Variants in ZNF772 observed in about 807,000 individuals in gnomAD.
ZNF772 encodes zinc finger protein 772.
ZNF772 carries 8 observed loss-of-function variants against 11.0 expected under a neutral mutation model. The observed-to-expected ratio is 0.73, with a 90% CI of 0.43 to 1.31. The LOEUF (loss-of-function observed/expected upper bound fraction) is 1.31. Among genes scored for constraint, ZNF772 ranks in the 50% most tolerant of loss-of-function variants. The pLI is 0.01. For synonymous variants in ZNF772, 155 were observed against 180.4 expected (o/e 0.86, Z 1.13); for missense variants, 496 against 552.3 (o/e 0.90, Z 1.02).
Position 57,474,471 on chromosome 19 carries a change from G to C in ZNF772, c.200-50C>G, listed in dbSNP as rs1440537609. The C allele has an allele frequency of 2.6e-6, 4 of 1,552,214 alleles. No individual in the cohort carries two copies. The East Asian group carries it at 9.0e-5, about 35-fold the overall frequency. On this transcript the variant is annotated intron_variant, in intron 3 of 3. Transcript: ENST00000356584. ...AGTACAAATTGACACAGGTGGAAGA[G>C]GGGAAGCCTCACTACAAATATGTGT... is the stretch of plus-strand genomic sequence containing the variant.
chr19:57,477,366 C>G lies in ZNF772; in HGVS notation c.-57G>C. Reference sequence around the variant, plus strand: ...AGTGCAGGAACCTGGGATCAGCTGTCCAGGGCCCAGCCCAGCGGCTAGGTC... The same window carrying G: ...AGTGCAGGAACCTGGGATCAGCTGTGCAGGGCCCAGCCCAGCGGCTAGGTC... On this transcript the variant is annotated 5_prime_UTR_variant, in exon 1 of 4. Transcript: ENST00000356584. 1.1e-5 allele frequency: 18 copies of G among 1,603,602 alleles called. No individual in the cohort carries two copies. The highest frequency in any genetic ancestry group is 1.5e-5 in the Non-Finnish European group (18 of 1,173,158).
At position 57,475,127 on chromosome 19, in the gene ZNF772, G is replaced by C. The variant is rs544882328; in HGVS notation, c.199+533C>G. The C allele has an allele frequency of 6.2e-7, 1 of 1,614,174 alleles. No homozygotes were observed. Among genetic ancestry groups the C allele is most frequent in the East Asian group, 2.2e-5 (1 of 44,882 alleles). On this transcript the variant is annotated intron_variant, in intron 3 of 3. Coordinates refer to ENST00000356584, the MANE Select transcript of ZNF772 (RefSeq NM_001144068.2). The surrounding 1 kb of genome is among the most constrained non-coding windows in gnomAD (Gnocchi z 4.2). ...CCATCACCAGTGAGGCAACTATGTG[G>C]GACATGAAAGATGTATGTCCTAAGG...
At position 57,473,941 on chromosome 19, in the gene ZNF772, C is replaced by T. The variant is rs149967182; in HGVS notation, c.680G>A (p.Cys227Tyr). Residue 227 changes from cysteine (C) to tyrosine (Y), a missense_variant, in exon 4 of 4, where the codon TGC (cysteine) becomes TAC (tyrosine). Cys to Tyr is a radical substitution (Grantham distance 194). Coordinates refer to ENST00000356584, the MANE Select transcript of ZNF772 (RefSeq NM_001144068.2). ...GCTGAAGGTTTTCCCACATTCACTG[C>T]ATTTGTAATGCCTTTTTCCACAGTG... The part of the protein sequence containing the change: ...ASHCGKRHYK[C>Y]SECGKTFSRK... The T allele has an allele frequency of 6.2e-7, 1 of 1,614,236 alleles. No individual in the cohort carries two copies.
rs2089245372 is a variant in ZNF772, at chr19:57,473,722, T to G, written c.899A>C (p.Gln300Pro). Residue 300 changes from glutamine to proline, a missense_variant, in exon 4 of 4, where the codon CAA (glutamine) becomes CCA (proline). Physicochemically the swap from Gln to Pro is moderately conservative, Grantham distance 76. Coordinates refer to ENST00000356584, the MANE Select transcript of ZNF772 (RefSeq NM_001144068.2). ...FNHSSNLIVH[Q>P]RVHTGARPYK... ...AGGCCTTGCTCCAGTGTGTACTCTTTGATGTACAATAAGGTTAGAGCTATG... is the reference window on the plus strand; with the variant it reads ...AGGCCTTGCTCCAGTGTGTACTCTTGGATGTACAATAAGGTTAGAGCTATG... 17 of 1,614,232 alleles carry G rather than the reference T, an allele frequency of 1.1e-5. No individual in the cohort carries two copies. The highest frequency in any genetic ancestry group is 1.4e-5 in the Non-Finnish European group (17 of 1,180,036).
chr19:57,476,689 G>A lies in ZNF772; in HGVS notation c.34-17C>T, dbSNP rs752989457. The A allele has an allele frequency of 2.5e-6, 4 of 1,578,054 alleles. No individual in the cohort carries two copies. Among genetic ancestry groups the A allele is most frequent in the South Asian group, 1.2e-5 (1 of 85,634 alleles). ...CATGGGAACCTGTGGGGAAGAGGGA[G>A]ACTATGCGAGTCAAGCAATCTTGAA... On this transcript the variant is annotated splice_polypyrimidine_tract_variant and intron_variant, in intron 1 of 3. Coordinates refer to ENST00000356584, the MANE Select transcript of ZNF772 (RefSeq NM_001144068.2).
intron 3 of ZNF772, chr19:57,474,876 G>A (rs1407574558): frequency 2.7e-6 from 3 of 1,105,506 alleles, no homozygotes; most frequent in African/African-American, 1.6e-5. Context: ...GGTGAGACAT[G>A]AAGGCAGAGG....
Position 57,469,603 on chromosome 19 carries a change from ATATTTAT to A in ZNF772, c.*3664_*3670del, listed in dbSNP as rs1300612899. On this transcript the variant is annotated 3_prime_UTR_variant, in exon 4 of 4. Transcript: ENST00000356584. ...ACATCAAGTGGACATAAAATAGGAA[ATATTTAT>A]TATTCACCTAATAAAAACATACTAA... is the stretch of plus-strand genomic sequence containing the variant. The A allele has an allele frequency of 3.3e-5, 5 of 152,220 alleles. No individual in the cohort carries two copies. The highest frequency in any genetic ancestry group is 1.2e-4 in the African/African-American group (5 of 41,456). 9.4% of individuals were successfully genotyped at this position (152,220 alleles called of 1,614,324 possible).
chr19:57,473,923 G>T lies in ZNF772; in HGVS notation c.698C>A (p.Thr233Asn), dbSNP rs1568558180. The T allele has an allele frequency of 6.2e-7, 1 of 1,614,224 alleles. No homozygotes were observed. Among genetic ancestry groups the T allele is most frequent in the Non-Finnish European group, 8.5e-7 (1 of 1,180,050 alleles). ...AACAAGTGAGTCTTTGCGGCTGAAG[G>T]TTTTCCCACATTCACTGCATTTGTA... ...RHYKCSECGK[T>N]FSRKDSLVQH... is the part of the protein sequence containing the mutation. The change falls in exon 4 of 4, where the codon ACC (threonine) becomes AAC (asparagine). Residue 233 changes from threonine to asparagine, a missense_variant. Physicochemically the swap from Thr to Asn is moderately conservative, Grantham distance 65. Coordinates refer to ENST00000356584, the MANE Select transcript of ZNF772 (RefSeq NM_001144068.2).
chr19:57,477,061 G>A (rs2123161067), intron 1 of ZNF772, among the ~76,000 whole-genome samples: 1 of 152,144 alleles, frequency 6.6e-6, no homozygotes, highest in South Asian at 2.1e-4. Context: ...TTTCCCAAAT[G>A]CTCCAGCTGT....
In ZNF772 at chr19:57,474,068, C is replaced by T; in HGVS notation, c.553G>A (p.Glu185Lys). 6.2e-7 allele frequency: 1 copy of T among 1,614,142 alleles called. No individual in the cohort carries two copies. Among genetic ancestry groups the T allele is most frequent in the Non-Finnish European group, 8.5e-7 (1 of 1,179,984 alleles). The change falls in exon 4 of 4, where the codon GAG becomes AAG. Residue 185 changes from glutamate to lysine, a missense_variant. Transcript: ENST00000356584. ...CTGGCTAGGAAGTCCTTACAAGCCT[C>T]CCCTGTCACAAAAGACATCTCCATT... The part of the protein sequence containing the change: ...QSMEMSFVTG[E>K]ACKDFLASSS...
At position 57,472,391 on chromosome 19, in the gene ZNF772, A is replaced by G. The variant is rs191572974; in HGVS notation, c.*883T>C. The stretch of plus-strand genomic sequence containing the variant: ...GACGTAATTCATGTTGCTCCCAGAC[A>G]CATTAGAGATTATCACAACAAATGC... On this transcript the variant is annotated 3_prime_UTR_variant, in exon 4 of 4. Coordinates refer to ENST00000356584, the MANE Select transcript of ZNF772 (RefSeq NM_001144068.2). 1 of 318,202 alleles carries G rather than the reference A, an allele frequency of 3.1e-6. No individual in the cohort carries two copies. Among genetic ancestry groups the G allele is most frequent in the African/African-American group, 2.2e-5 (1 of 45,308 alleles). The allele number at this position is 318,202 out of a possible 1,614,324, so 19.7% of individuals were successfully genotyped here. A position where few individuals can be genotyped will look rare whatever the true frequency, so the allele number is the denominator to read the frequency against.
Position 57,474,302 on chromosome 19 carries a change from T to A in ZNF772, c.319A>T (p.Thr107Ser). The A allele has an allele frequency of 6.2e-7, 1 of 1,614,140 alleles. No individual in the cohort carries two copies. The highest frequency in any genetic ancestry group is 8.5e-7 in the Non-Finnish European group (1 of 1,180,032). Residue 107 changes from threonine to serine, a missense_variant, in exon 4 of 4, where the codon ACA becomes TCA. Coordinates refer to ENST00000356584, the MANE Select transcript of ZNF772 (RefSeq NM_001144068.2). ...PSTQKAYPCG[T>S]CGLVLKDILH... ...ATGTCTTTTAAGACCAGGCCACATGTCCCACAGGGGTAAGCCTTCTGAGTA... is the reference window on the plus strand; with the variant it reads ...ATGTCTTTTAAGACCAGGCCACATGACCCACAGGGGTAAGCCTTCTGAGTA...
intron 1 of ZNF772, 49 bp from the exon 2 acceptor site, chr19:57,476,721 C>G (rs746143838): frequency 1.3e-6 from 2 of 1,511,452 alleles, no homozygotes; most frequent in South Asian, 1.3e-5. Flanking sequence ...TGAAGGAACC[C>G]CAAAGGCTCA....
In ZNF772 at chr19:57,475,525, T is replaced by A. The variant is rs1239576481; in HGVS notation, c.199+135A>T. On this transcript the variant is annotated intron_variant, in intron 3 of 3. Transcript: ENST00000356584. This position sits in a 1 kb window ranked among gnomAD's most constrained non-coding sequence, Gnocchi z 4.2. ...AGTGCAAACAGCCCAAGCCCAGCACTCACAGAACCTACTCCAGGCACTAAG... is the reference window on the plus strand; with the variant it reads ...AGTGCAAACAGCCCAAGCCCAGCACACACAGAACCTACTCCAGGCACTAAG... 49 of 1,414,274 alleles carry A rather than the reference T, an allele frequency of 3.5e-5. 3 individuals carry two copies. In the South Asian group the frequency reaches 5.1e-4, roughly 15 times the overall value. The allele number at this position is 1,414,274 out of a possible 1,614,324, so 87.6% of individuals were successfully genotyped here.
rs996458029 is a variant in ZNF772, at chr19:57,475,848, C to T, written c.73-62G>A. 6.5e-6 allele frequency: 10 copies of T among 1,544,662 alleles called. No individual in the cohort carries two copies. The Admixed American group carries it at 1.6e-4, about 24-fold the overall frequency. On this transcript the variant is annotated intron_variant, in intron 2 of 3. Coordinates refer to ENST00000356584, the MANE Select transcript of ZNF772 (RefSeq NM_001144068.2). The surrounding 1 kb of genome is among the most constrained non-coding windows in gnomAD (Gnocchi z 4.2). Reference sequence around the variant, plus strand: ...TCTCTCCCAAGAACCCCCATCCGTGCCCCCACACATCTCCCTCCTGTACAC... The same window carrying T: ...TCTCTCCCAAGAACCCCCATCCGTGTCCCCACACATCTCCCTCCTGTACAC...
At chr19:57,476,933 T>C (rs1443945937) in intron 1 of ZNF772, among the ~76,000 whole-genome samples, 1 of 152,204 alleles carries the variant, frequency 6.6e-6, no homozygotes, top group African/African-American at 2.4e-5. Flanking sequence ...CTCTCCTCTG[T>C]TCAGAACCTT....
rs2089232239 is a variant in ZNF772, at chr19:57,472,934, C to T, written c.*340G>A. The stretch of plus-strand genomic sequence containing the variant: ...AAAAAGTGAGAATCCTTGATGGCCT[C>T]AGGCTACTGATGATTCCCTCCAGGG... On this transcript the variant is annotated 3_prime_UTR_variant, in exon 4 of 4. Transcript: ENST00000356584. The T allele has an allele frequency of 4.0e-6, 1 of 252,292 alleles. No individual in the cohort carries two copies. The highest frequency in any genetic ancestry group is 2.2e-5 in the African/African-American group (1 of 44,786). 15.6% of individuals were successfully genotyped at this position (252,292 alleles called of 1,614,324 possible). A position where few individuals can be genotyped will look rare whatever the true frequency, so the allele number is the denominator to read the frequency against.
chr19:57,475,554 T>G lies in ZNF772; in HGVS notation c.199+106A>C. 1.3e-6 allele frequency: 2 copies of G among 1,559,324 alleles called. No individual in the cohort carries two copies. The highest frequency in any genetic ancestry group is 1.8e-6 in the Non-Finnish European group (2 of 1,132,958). The stretch of plus-strand genomic sequence containing the variant: ...AGAACCTACTCCAGGCACTAAGAAA[T>G]GAGACAGTGTCCACGGCTCTGATGT... On this transcript the variant is annotated intron_variant, in intron 3 of 3. Coordinates refer to ENST00000356584, the MANE Select transcript of ZNF772 (RefSeq NM_001144068.2). This position sits in a 1 kb window ranked among gnomAD's most constrained non-coding sequence, Gnocchi z 4.2.
chr19:57,475,908 G>C lies in ZNF772; in HGVS notation c.73-122C>G. The C allele has an allele frequency of 7.3e-7, 1 of 1,366,324 alleles. No homozygotes were observed. The highest frequency in any genetic ancestry group is 2.4e-5 in the East Asian group (1 of 41,964). 84.6% of individuals were successfully genotyped at this position (1,366,324 alleles called of 1,614,324 possible). A position where few individuals can be genotyped will look rare whatever the true frequency, so the allele number is the denominator to read the frequency against. On this transcript the variant is annotated intron_variant, in intron 2 of 3. Coordinates refer to ENST00000356584, the MANE Select transcript of ZNF772 (RefSeq NM_001144068.2). This position sits in a 1 kb window ranked among gnomAD's most constrained non-coding sequence, Gnocchi z 4.2. ...TAACTCCTCAACTCAGGAAATATCA[G>C]GACCAGATGTCATTGGTGTCTTCTC... is the stretch of plus-strand genomic sequence containing the variant.
Sources: gnomAD v4.1 joint callset for allele counts (sites outside exome capture counted in the v4.1 genomes callset) on GRCh38, gnomAD v4.1.1 for gene constraint, Gnocchi (gnomAD v3.1) non-coding constraint, MANE v1.5 for transcripts, NCBI Gene and HGNC (gene_info 2026-07-23, HGNC 2026-07-21) for gene names.